Variants in SCARA3 observed in about 807,000 individuals in gnomAD.
The protein encoded by SCARA3 is scavenger receptor class A member 3.
In SCARA3, 39 loss-of-function variants were observed where a neutral mutation model predicts 47.0. The observed-to-expected ratio is 0.83, with a 90% CI of 0.64 to 1.08. The LOEUF (loss-of-function observed/expected upper bound fraction) is 1.08. Among genes scored for constraint, SCARA3 ranks in the 50% least tolerant of loss-of-function variants. The pLI is 0.00. For synonymous variants in SCARA3, 356 were observed against 334.1 expected (o/e 1.07, Z -0.71); for missense variants, 724 against 792.3 (o/e 0.91, Z 1.04).
chr8:27,707,308 C>T, the SCARA3 span, among the ~76,000 whole-genome samples: 1 of 152,126 alleles, frequency 6.6e-6, no homozygotes, highest in Non-Finnish European at 1.5e-5. Flanking sequence ...CCTGTTACCC[C>T]AAAGTGATAA....
downstream of SCARA3, among the ~76,000 whole-genome samples, chr8:27,674,718 T>C (rs1008932500): frequency 2.1e-5 from 3 of 142,348 alleles, no homozygotes; most frequent in African/African-American, 7.5e-5. Flanking sequence ...CTCTTTCTTT[T>C]CTCTCTCTTT....
At chr8:27,643,261 G>A (rs1801421245) in intron 1 of SCARA3, among the ~76,000 whole-genome samples, 1 of 152,214 alleles carries the variant, frequency 6.6e-6, no homozygotes, top group Non-Finnish European at 1.5e-5. Flanking sequence ...AACCTCTGTG[G>A]TTACCAAGAA....
At chr8:27,685,422 C>A in the SCARA3 span, among the ~76,000 whole-genome samples, 1 of 152,094 alleles carries the variant, frequency 6.6e-6, no homozygotes, top group Non-Finnish European at 1.5e-5. Flanking sequence ...TTCCTGAGAA[C>A]TGAAAAAATA....
At chr8:27,694,875 G>A in the SCARA3 span, among the ~76,000 whole-genome samples, 1 of 152,276 alleles carries the variant, frequency 6.6e-6, no homozygotes, top group African/African-American at 2.4e-5. Context: ...GGCAGCTGAA[G>A]CAACTGGAAT....
intron 3 of SCARA3, among the ~76,000 whole-genome samples, chr8:27,652,180 T>G (rs1465114343): frequency 6.6e-6 from 1 of 152,202 alleles, no homozygotes; most frequent in Non-Finnish European, 1.5e-5. Context: ...GACCAAGGAA[T>G]CTGGGGGGTC....
intron 1 of SCARA3, among the ~76,000 whole-genome samples, chr8:27,648,688 G>T (rs514194): frequency 6.6e-6 from 1 of 151,942 alleles, no homozygotes; most frequent in Non-Finnish European, 1.5e-5. Context: ...GCTATAAAAT[G>T]TAGACATTAA....
intron 5 of SCARA3, among the ~76,000 whole-genome samples, chr8:27,661,679 C>T (rs1441694887): frequency 6.6e-6 from 1 of 152,190 alleles, no homozygotes; most frequent in Admixed American, 6.5e-5. Context: ...AGCTGGTATT[C>T]ATCACCACCT....
the SCARA3 span, among the ~76,000 whole-genome samples, chr8:27,700,475 T>G: frequency 6.6e-6 from 1 of 151,944 alleles, no homozygotes; most frequent in Non-Finnish European, 1.5e-5. Context: ...GGCATGGTGG[T>G]GGGCTCCTGT....
intron 1 of SCARA3, among the ~76,000 whole-genome samples, chr8:27,634,554 A>T (rs537891680): frequency 5.9e-5 from 9 of 152,278 alleles, no homozygotes; most frequent in East Asian, 3.9e-4. Flanking sequence ...CCAGCAGTGT[A>T]AATTTCGACC....
At chr8:27,708,557 A>T in the SCARA3 span, among the ~76,000 whole-genome samples, 1 of 152,218 alleles carries the variant, frequency 6.6e-6, no homozygotes, top group Non-Finnish European at 1.5e-5. Flanking sequence ...TGACATATCA[A>T]GAAAAAAGAA....
the SCARA3 span, among the ~76,000 whole-genome samples, chr8:27,717,861 C>A: frequency 6.6e-6 from 1 of 152,168 alleles, no homozygotes; most frequent in South Asian, 2.1e-4. Flanking sequence ...CCTCCTCTTC[C>A]TAATGCCTTA....
rs1043479227 is a variant in SCARA3, at chr8:27,660,817, A to T, written c.1369+1278A>T. Reference sequence around the variant, plus strand: ...TAGGGATGAGATAGATAGAAAATAGATATAGATAGAAGATAGCTAGCTAGC... The same window carrying T: ...TAGGGATGAGATAGATAGAAAATAGTTATAGATAGAAGATAGCTAGCTAGC... On this transcript the variant is annotated intron_variant, in intron 5 of 5. Coordinates refer to ENST00000301904, the MANE Select transcript of SCARA3 (RefSeq NM_016240.3). 3.3e-5 allele frequency among the ~76,000 whole-genome samples: 5 copies of T among 150,216 alleles called. No individual in the cohort carries two copies. The South Asian group carries it at 8.4e-4, about 25-fold the overall frequency.
chr8:27,702,206 T>A, the SCARA3 span: 3 of 152,210 alleles, frequency 2.0e-5, no homozygotes, highest in South Asian at 4.1e-4. Context: ...GGAAAGCAGA[T>A]AAACAACTGA....
chr8:27,666,966 C>T (rs1369065250), intron 5 of SCARA3, among the ~76,000 whole-genome samples: 6 of 152,326 alleles, frequency 3.9e-5, no homozygotes, highest in Non-Finnish European at 7.3e-5. Context: ...CCCCCTCCAC[C>T]GGACTCCAGG....
At chr8:27,718,428 C>T in the SCARA3 span, among the ~76,000 whole-genome samples, 1 of 152,146 alleles carries the variant, frequency 6.6e-6, no homozygotes, top group East Asian at 1.9e-4. Context: ...CAGTGAAGAC[C>T]CTTCCTGGGC....
At chr8:27,636,449 T>G (rs765083721) in intron 1 of SCARA3, among the ~76,000 whole-genome samples, 4 of 152,082 alleles carry the variant, frequency 2.6e-5, no homozygotes, top group African/African-American at 9.7e-5. Flanking sequence ...AAAAATAGAA[T>G]TTATTTAAAA....
intron 3 of SCARA3, among the ~76,000 whole-genome samples, chr8:27,655,374 C>A (rs1801721256): frequency 6.6e-6 from 1 of 152,108 alleles, no homozygotes; most frequent in Non-Finnish European, 1.5e-5. Context: ...TCTTGCTGAA[C>A]CTCAGAACAA....
chr8:27,693,924 C>T, the SCARA3 span, among the ~76,000 whole-genome samples: 4 of 152,302 alleles, frequency 2.6e-5, no homozygotes, highest in South Asian at 6.2e-4. Context: ...AACCAATGTA[C>T]GTCTTACAGG....
At chr8:27,679,201 A>ATATTTACT (rs146984128), downstream of SCARA3, among the ~76,000 whole-genome samples, 1 of 150,862 alleles carries the variant, frequency 6.6e-6, no homozygotes, top group Non-Finnish European at 1.5e-5. Flanking sequence ...ATACCACAAT[A>ATATTTACT]TACTTACTTA....
Sources: allele counts gnomAD v4.1 joint callset (sites outside exome capture counted in the v4.1 genomes callset), GRCh38; gene constraint gnomAD v4.1.1; transcripts MANE v1.5; gene names NCBI Gene and HGNC (gene_info 2026-07-23, HGNC 2026-07-21).